LRRC4C: variants seen among roughly 807,000 people sequenced by gnomAD.
LRRC4C encodes leucine rich repeat containing 4C.
LRRC4C carries 5 observed loss-of-function variants against 33.6 expected under a neutral mutation model. That is an observed-to-expected ratio of 0.15 (90% CI 0.08 to 0.31). The LOEUF is 0.31. LRRC4C is among the 10% of genes least tolerant of loss of function. The pLI is 1.00. For synonymous variants in LRRC4C, 329 were observed against 302.0 expected (o/e 1.09, Z -0.93); for missense variants, 560 against 796.7 (o/e 0.70, Z 3.58).
intron 1 of LRRC4C, among the ~76,000 whole-genome samples, chr11:41,062,172 T>C (rs1036907222): frequency 1.3e-5 from 2 of 152,212 alleles, no homozygotes; most frequent in African/African-American, 2.4e-5. Context: ...GGAGGTTTGT[T>C]GTACAGATTA....
intron 5 of LRRC4C, among the ~76,000 whole-genome samples, chr11:40,210,747 TACCTTA>T (rs1863538775): frequency 6.6e-6 from 1 of 152,124 alleles, no homozygotes; most frequent in Admixed American, 6.5e-5. Flanking sequence ...TCGGAATGTC[TACCTTA>T]ACCATTTTGT....
intron 1 of LRRC4C, among the ~76,000 whole-genome samples, chr11:41,093,486 C>T (rs1391349759): frequency 2.0e-5 from 3 of 152,180 alleles, no homozygotes; most frequent in African/African-American, 7.2e-5. Context: ...TATTCTTCAT[C>T]TCTCCTCTAC....
At chr11:40,883,133 C>T (rs973233987) in intron 2 of LRRC4C, among the ~76,000 whole-genome samples, 1 of 152,054 alleles carries the variant, frequency 6.6e-6, no homozygotes, top group Non-Finnish European at 1.5e-5. Flanking sequence ...CATTAACTGT[C>T]TTTCCTTTGC....
intron 2 of LRRC4C, among the ~76,000 whole-genome samples, chr11:40,801,712 C>A (rs938937081): frequency 1.2e-4 from 19 of 152,066 alleles, no homozygotes; most frequent in Admixed American, 3.9e-4. Flanking sequence ...AAAATCTATG[C>A]AATTGTCATT....
intron 2 of LRRC4C, among the ~76,000 whole-genome samples, chr11:40,754,752 TTTTG>T (rs1353913609): frequency 2.0e-5 from 3 of 152,112 alleles, no homozygotes; most frequent in Non-Finnish European, 4.4e-5. Flanking sequence ...GCCTATTTTA[TTTTG>T]TTTTAATTTT....
At chr11:40,566,200 T>C (rs1165511099) in intron 3 of LRRC4C, among the ~76,000 whole-genome samples, 2 of 150,932 alleles carry the variant, frequency 1.3e-5, no homozygotes, top group African/African-American at 4.9e-5. Flanking sequence ...AAAGCCACAT[T>C]TGAGGTTTGT....
At chr11:41,295,599 A>C (rs1291874205) in intron 1 of LRRC4C, among the ~76,000 whole-genome samples, 1 of 146,456 alleles carries the variant, frequency 6.8e-6, no homozygotes, top group Non-Finnish European at 1.5e-5. Flanking sequence ...GGCAACAAAC[A>C]TTTTTTTTTT....
At chr11:40,995,816 C>T (rs1853928896) in intron 1 of LRRC4C, among the ~76,000 whole-genome samples, 2 of 152,110 alleles carry the variant, frequency 1.3e-5, no homozygotes, top group South Asian at 4.1e-4. Context: ...GTCTGCAAGG[C>T]CCTTTCCATC....
chr11:40,826,086 C>T (rs556350861), intron 2 of LRRC4C, among the ~76,000 whole-genome samples: 22 of 151,886 alleles, frequency 1.4e-4, no homozygotes, highest in African/African-American at 3.9e-4. Flanking sequence ...AAAGGGGAGA[C>T]AGACAGTTAT....
intron 2 of LRRC4C, among the ~76,000 whole-genome samples, chr11:40,818,584 G>GA (rs896399194): frequency 5.9e-5 from 9 of 151,662 alleles, no homozygotes; most frequent in Non-Finnish European, 1.3e-4. Context: ...CTATGATAAG[G>GA]AAAAAAATGA....
At chr11:40,752,573 T>A (rs1250093922) in intron 2 of LRRC4C, among the ~76,000 whole-genome samples, 1 of 151,714 alleles carries the variant, frequency 6.6e-6, no homozygotes, top group Non-Finnish European at 1.5e-5. Context: ...TTACAATGGC[T>A]ATTACTAAAA....
intron 1 of LRRC4C, among the ~76,000 whole-genome samples, chr11:41,360,892 C>T (rs1360523397): frequency 6.6e-6 from 1 of 151,908 alleles, no homozygotes; most frequent in Non-Finnish European, 1.5e-5. Context: ...TGATAACTCC[C>T]TAAAAATAAA....
At chr11:40,609,423 G>T (rs149681088) in intron 3 of LRRC4C, among the ~76,000 whole-genome samples, 1 of 151,828 alleles carries the variant, frequency 6.6e-6, no homozygotes, top group African/African-American at 2.4e-5. Context: ...TACCTAAAGG[G>T]AAGTGTGACA....
intron 3 of LRRC4C, among the ~76,000 whole-genome samples, chr11:40,573,862 T>A (rs567608966): frequency 1.3e-5 from 2 of 152,168 alleles, no homozygotes; most frequent in Non-Finnish European, 1.5e-5. Flanking sequence ...GTCATCTTTT[T>A]TTTTCCCAAG....
chr11:40,654,843 C>A (rs1282047143), intron 2 of LRRC4C, among the ~76,000 whole-genome samples: 1 of 152,100 alleles, frequency 6.6e-6, no homozygotes, highest in Non-Finnish European at 1.5e-5. Context: ...AAGACAGGAC[C>A]AGGTGGAGAT....
intron 2 of LRRC4C, among the ~76,000 whole-genome samples, chr11:40,892,028 G>A (rs1267156852): frequency 1.3e-5 from 2 of 151,622 alleles, no homozygotes; most frequent in Non-Finnish European, 2.9e-5. Flanking sequence ...CCAGCTACTC[G>A]GGAGGCTGAG....
At chr11:40,142,591 A>C (rs1262829535) in intron 5 of LRRC4C, among the ~76,000 whole-genome samples, 1 of 152,166 alleles carries the variant, frequency 6.6e-6, no homozygotes, top group East Asian at 1.9e-4. Flanking sequence ...CACCTTTTGC[A>C]CTTGGCTCCT....
chr11:40,122,952 T>TACACACACACACAC (rs371461809), intron 6 of LRRC4C, among the ~76,000 whole-genome samples: 66 of 140,404 alleles, frequency 4.7e-4, no homozygotes, highest in Middle Eastern at 3.6e-3. Flanking sequence ...TATATATTTA[T>TACACACACACACAC]ACACACACAC....
At chr11:40,705,437 A>G (rs1946109290) in intron 2 of LRRC4C, among the ~76,000 whole-genome samples, 1 of 151,796 alleles carries the variant, frequency 6.6e-6, no homozygotes, top group Non-Finnish European at 1.5e-5. Context: ...ATTTCCACTT[A>G]TGAGTGAGAA....
Sources: allele counts gnomAD v4.1 joint callset (sites outside exome capture counted in the v4.1 genomes callset), GRCh38; gene constraint gnomAD v4.1.1; transcripts MANE v1.5; gene names NCBI Gene and HGNC (gene_info 2026-07-23, HGNC 2026-07-21).